The following CLIC5 variants were observed in gnomAD, a reference collection of about 807,000 sequenced individuals.
CLIC5 encodes the protein chloride intracellular channel protein 5.
A neutral mutation model predicts 24.7 loss-of-function variants in CLIC5; 20 were observed. The observed-to-expected ratio is 0.81, with a 90% confidence interval of 0.57 to 1.18. The LOEUF is 1.18. Among genes scored for constraint, CLIC5 ranks in the 50% most tolerant of loss-of-function variants. CLIC5 has a pLI of 0.00. For synonymous variants in CLIC5, 159 were observed against 135.6 expected, an observed-to-expected ratio of 1.17 and a Z score of -1.20; for missense variants, 341 against 326.1, an observed-to-expected ratio of 1.05 and a Z score of -0.35.
chr6:45,939,610 G>A, intron 4 of CLIC5, among the ~76,000 whole-genome samples: 1 of 152,020 alleles, frequency 6.6e-6, no homozygotes, highest in East Asian at 1.9e-4. Context: ...TCCAAATGAG[G>A]TCACGTTCTG....
At chr6:46,113,920 CT>C in the CLIC5 span, among the ~76,000 whole-genome samples, 2 of 152,196 alleles carry the variant, frequency 1.3e-5, no homozygotes, top group African/African-American at 4.8e-5. Flanking sequence ...GAAACCCACT[CT>C]GCTGATACCT....
In CLIC5 at chr6:46,034,250, G is replaced by T. The variant is rs187743864; in HGVS notation, c.540+45453C>A. ...TCTGATTTCATTGGTCTGGCATGTGGCCTGGACACCAGGACTATCTTGAAA... is the reference window on the plus strand; with the variant it reads ...TCTGATTTCATTGGTCTGGCATGTGTCCTGGACACCAGGACTATCTTGAAA... On this transcript the variant is annotated intron_variant, in intron 1 of 5. Transcript: ENST00000185206. Among the ~76,000 whole-genome samples, 4 of 152,296 alleles carry T rather than the reference G, an allele frequency of 2.6e-5. No homozygotes were observed. In the East Asian group the frequency reaches 5.8e-4, roughly 22 times the overall value.
intron 1 of CLIC5, among the ~76,000 whole-genome samples, chr6:46,004,897 A>G (rs1649187809): frequency 6.6e-6 from 1 of 152,182 alleles, no homozygotes. Context: ...CTTTGGTTTC[A>G]GGGGCAAATT....
chr6:45,980,865 C>G (rs1404723577), intron 1 of CLIC5, among the ~76,000 whole-genome samples: 2 of 152,118 alleles, frequency 1.3e-5, no homozygotes, highest in Admixed American at 6.6e-5. Context: ...AATTCTATAA[C>G]TCATTGTGTC....
intron 6 of CLIC5, among the ~76,000 whole-genome samples, chr6:45,891,492 C>G (rs979437499): frequency 5.9e-5 from 9 of 151,670 alleles, no homozygotes; most frequent in African/African-American, 2.2e-4. Context: ...AAAAATTAGC[C>G]GGGCATGGTG....
intron 1 of CLIC5, among the ~76,000 whole-genome samples, chr6:46,040,393 TTGGTGGTGGTACAGATAGTAGTAC>T (rs1386632742): frequency 2.6e-5 from 4 of 152,060 alleles, no homozygotes; most frequent in South Asian, 2.1e-4. Flanking sequence ...TGGATGAGGC[TTGGTGGTGGTACAGATAGTAGTAC>T]AGGTGGTGGT....
upstream of CLIC5, among the ~76,000 whole-genome samples, chr6:46,019,480 A>G (rs1380244875): frequency 6.6e-6 from 1 of 151,590 alleles, no homozygotes; most frequent in Non-Finnish European, 1.5e-5. Context: ...AGGTCAGGAG[A>G]TCGAGACCAT....
the CLIC5 span, among the ~76,000 whole-genome samples, chr6:46,090,105 T>A: frequency 6.6e-6 from 1 of 152,172 alleles, no homozygotes; most frequent in Non-Finnish European, 1.5e-5. Flanking sequence ...AAATATATGC[T>A]CTATAAAAAA....
chr6:46,048,364 A>G (rs138132986), intron 1 of CLIC5, among the ~76,000 whole-genome samples: 92 of 152,306 alleles, frequency 6.0e-4, no homozygotes, highest in Non-Finnish European at 1.0e-3. Context: ...CCTTAAAAGC[A>G]TGAACTTCAG....
chr6:46,001,497 G>T (rs1301433064), intron 1 of CLIC5, among the ~76,000 whole-genome samples: 1 of 152,088 alleles, frequency 6.6e-6, no homozygotes, highest in East Asian at 1.9e-4. Context: ...AGCTCCCATA[G>T]CCTCATTCTT....
chr6:45,980,770 T>C (rs1449180407), intron 1 of CLIC5, among the ~76,000 whole-genome samples: 2 of 151,976 alleles, frequency 1.3e-5, no homozygotes, highest in Non-Finnish European at 2.9e-5. Context: ...CTTTTATAAA[T>C]AGAAAAAAAT....
At chr6:45,938,259 G>A (rs539073946) in intron 4 of CLIC5, among the ~76,000 whole-genome samples, 3 of 152,318 alleles carry the variant, frequency 2.0e-5, no homozygotes, top group African/African-American at 7.2e-5. Context: ...CGGGTCAGGG[G>A]CTGTGGGGCT....
At chr6:46,063,174 C>G (rs1323017290) in intron 1 of CLIC5, among the ~76,000 whole-genome samples, 1 of 152,176 alleles carries the variant, frequency 6.6e-6, no homozygotes, top group Non-Finnish European at 1.5e-5. Context: ...ATTATTATCA[C>G]TGGATTTTAG....
chr6:46,031,616 C>T (rs189074940), intron 1 of CLIC5, among the ~76,000 whole-genome samples: 98 of 151,746 alleles, frequency 6.5e-4, no homozygotes, highest in African/African-American at 2.3e-3. Context: ...AAATTTGGGC[C>T]TTATAATGGT....
intron 5 of CLIC5, chr6:45,911,948 A>G: frequency 3.0e-6 from 3 of 985,494 alleles, no homozygotes; most frequent in Non-Finnish European, 3.6e-6. Flanking sequence ...TCTCATGGAG[A>G]GCCTGGGCCA....
At chr6:45,995,700 C>T (rs1179944179) in intron 1 of CLIC5, among the ~76,000 whole-genome samples, 1 of 151,964 alleles carries the variant, frequency 6.6e-6, no homozygotes, top group Non-Finnish European at 1.5e-5. Context: ...AAAGAAAATT[C>T]CATTTATTTT....
chr6:46,055,293 G>C (rs1221466854), intron 1 of CLIC5, among the ~76,000 whole-genome samples: 1 of 152,194 alleles, frequency 6.6e-6, no homozygotes, highest in East Asian at 1.9e-4. Flanking sequence ...AGTAGAGACG[G>C]TGTTTCACCA....
chr6:45,933,680 G>A (rs919194111), intron 4 of CLIC5, among the ~76,000 whole-genome samples: 5 of 152,218 alleles, frequency 3.3e-5, no homozygotes, highest in Non-Finnish European at 5.9e-5. Flanking sequence ...TGCACATCTA[G>A]TGCAGGAGCC....
downstream of CLIC5, among the ~76,000 whole-genome samples, chr6:45,896,503 C>T (rs1389324223): frequency 2.0e-5 from 3 of 152,224 alleles, no homozygotes; most frequent in Non-Finnish European, 4.4e-5. Context: ...TGTTTTCAGT[C>T]CTGACTTCCT....
Sources: gnomAD v4.1 joint callset for allele counts (sites outside exome capture counted in the v4.1 genomes callset) on GRCh38, gnomAD v4.1.1 for gene constraint, MANE v1.5 for transcripts, NCBI Gene and HGNC (gene_info 2026-07-23, HGNC 2026-07-21) for gene names.